Variants in UGGT2 observed in about 807,000 individuals in gnomAD.
UGGT2 encodes the protein UDP-glucose:glycoprotein glucosyltransferase 2.
UGGT2 carries 180 observed loss-of-function variants against 192.1 expected under a neutral mutation model. The ratio of observed to expected loss-of-function variants is 0.94; its 90% CI spans 0.83 to 1.06. The LOEUF is 1.06. Ranked by LOEUF, UGGT2 falls within the 50% of genes least tolerant of loss-of-function variation. The pLI is 0.00. For synonymous variants in UGGT2, 580 were observed against 591.0 expected (o/e 0.98, Z 0.27); for missense variants, 1,849 against 1,795.7 (o/e 1.03, Z -0.54).
chr13:95,896,975 G>A (rs2047964896), intron 22 of UGGT2, among the ~76,000 whole-genome samples: 1 of 152,064 alleles, frequency 6.6e-6, no homozygotes, highest in Non-Finnish European at 1.5e-5. Flanking sequence ...AGCTAAAAAT[G>A]TCTCTCTACT....
intron 4 of UGGT2, among the ~76,000 whole-genome samples, chr13:96,021,862 T>C (rs185361317): frequency 6.6e-6 from 1 of 152,288 alleles, no homozygotes; most frequent in East Asian, 1.9e-4. Flanking sequence ...AGAGATTCAA[T>C]ACAACACAGA....
chr13:96,018,582 A>G (rs2052410909), intron 4 of UGGT2, among the ~76,000 whole-genome samples: 1 of 152,180 alleles, frequency 6.6e-6, no homozygotes, highest in Non-Finnish European at 1.5e-5. Context: ...GACAGCAATC[A>G]TTACCATCCT....
chr13:95,965,499 C>A (rs1251178339), intron 12 of UGGT2, among the ~76,000 whole-genome samples: 5 of 149,476 alleles, frequency 3.3e-5, no homozygotes, highest in African/African-American at 7.4e-5. Context: ...GGACAAAAAA[C>A]CAAACACCGC....
intron 1 of UGGT2, among the ~76,000 whole-genome samples, chr13:96,049,816 A>G (rs980168382): frequency 1.3e-5 from 2 of 152,184 alleles, no homozygotes; most frequent in Non-Finnish European, 2.9e-5. Context: ...ACCACTGCTC[A>G]AAAAAATAAA....
chr13:95,836,212 C>G (rs1464465263), intron 37 of UGGT2, among the ~76,000 whole-genome samples: 2 of 152,270 alleles, frequency 1.3e-5, no homozygotes, highest in East Asian at 3.9e-4. Flanking sequence ...CCACGCCCAG[C>G]TAATTTTTTG....
At chr13:95,981,563 G>A (rs2051126258) in intron 10 of UGGT2, among the ~76,000 whole-genome samples, 2 of 151,998 alleles carry the variant, frequency 1.3e-5, no homozygotes, top group Admixed American at 1.3e-4. Context: ...CTTAAAAAGT[G>A]TAATTTACAC....
intron 1 of UGGT2, among the ~76,000 whole-genome samples, chr13:96,044,666 A>C (rs1172244278): frequency 6.6e-6 from 1 of 152,336 alleles, no homozygotes; most frequent in Non-Finnish European, 1.5e-5. Flanking sequence ...AATGGGAGCT[A>C]TTACAACTGA....
At chr13:95,876,876 T>G (rs898366491) in intron 29 of UGGT2, 4 of 132,504 alleles carry the variant, frequency 3.0e-5, no homozygotes, top group African/African-American at 1.1e-4. Context: ...TCAGTCATCT[T>G]TTTTTTTTTT....
chr13:95,878,944 G>A (rs1218309591), intron 27 of UGGT2, among the ~76,000 whole-genome samples: 2 of 152,128 alleles, frequency 1.3e-5, no homozygotes, highest in Non-Finnish European at 2.9e-5. Context: ...TGAATTAGTT[G>A]TTGAATTACT....
intron 10 of UGGT2, 104 bp downstream of exon 10, chr13:95,983,700 A>G: frequency 3.3e-6 from 3 of 900,850 alleles, no homozygotes; most frequent in Middle Eastern, 2.3e-4. Context: ...ATAATCAAAA[A>G]AGCACAAATT....
intron 15 of UGGT2, 124 bp downstream of exon 15, chr13:95,946,913 A>T: frequency 9.7e-7 from 1 of 1,035,380 alleles, no homozygotes. Context: ...TCTCCATGAC[A>T]GTTTATAAAC....
chr13:95,932,937 T>C (rs756736771), intron 17 of UGGT2, among the ~76,000 whole-genome samples: 13 of 152,242 alleles, frequency 8.5e-5, no homozygotes, highest in South Asian at 2.1e-4. Context: ...TGAAGCCTAT[T>C]TGATTACGGT....
At chr13:95,890,171 CATTATTT>C (rs2047759745) in intron 25 of UGGT2, among the ~76,000 whole-genome samples, 1 of 152,142 alleles carries the variant, frequency 6.6e-6, no homozygotes, top group African/African-American at 2.4e-5. Flanking sequence ...GTTTGGCTAA[CATTATTT>C]ATTATTTATT....
intron 4 of UGGT2, among the ~76,000 whole-genome samples, chr13:96,018,670 G>A (rs1246381009): frequency 2.7e-5 from 4 of 150,428 alleles, no homozygotes; most frequent in East Asian, 2.0e-4. Flanking sequence ...AGAATTTTAC[G>A]AAATTGGGAC....
chr13:95,804,167 G>C (rs1047179461), intron 38 of UGGT2, among the ~76,000 whole-genome samples: 1 of 151,946 alleles, frequency 6.6e-6, no homozygotes. Context: ...GAAAATATAA[G>C]TACAAAAGAT....
At chr13:95,947,943 AT>A in intron 14 of UGGT2, 52 bp downstream of exon 14, 1 of 1,450,270 alleles carries the variant, frequency 6.9e-7, no homozygotes, top group Non-Finnish European at 9.6e-7. Flanking sequence ...CACAATATGA[AT>A]AACATTGAAT....
In UGGT2 at chr13:95,981,216, GC is replaced by G; in HGVS notation, c.1092+2587del. ...GCGGTGGCTCACGCCTGTAATCCCA[GC>G]ACTTTGGGAGGCAGAGGCGGGCGGA... is the stretch of plus-strand genomic sequence containing the variant. On this transcript the variant is annotated intron_variant, in intron 10 of 38. Transcript: ENST00000376747. Among the ~76,000 whole-genome samples, 2 of 444 alleles carry G rather than the reference GC, an allele frequency of 4.5e-3. 1 individual carries two copies. The highest frequency in any genetic ancestry group is 1 in the Middle Eastern group (2 of 2). 0.3% of individuals were successfully genotyped at this position (444 alleles called of 152,430 possible). A position where few individuals can be genotyped will look rare whatever the true frequency, so the allele number is the denominator to read the frequency against.
At position 96,041,357 on chromosome 13, in the gene UGGT2, C is replaced by T. The variant is rs540290114; in HGVS notation, c.159-9386G>A. Among the ~76,000 whole-genome samples, 6 of 152,196 alleles carry T rather than the reference C, an allele frequency of 3.9e-5. No homozygotes were observed. The South Asian group carries it at 1.0e-3, about 26-fold the overall frequency. On this transcript the variant is annotated intron_variant, in intron 1 of 38. Coordinates refer to ENST00000376747, the MANE Select transcript of UGGT2 (RefSeq NM_020121.4). Reference sequence around the variant, plus strand: ...GAAAAGCCCTGTGGGCTCTCTGGGTCCCCTAGGAAGCTATTTCTGCCTTGC... The same window carrying T: ...GAAAAGCCCTGTGGGCTCTCTGGGTTCCCTAGGAAGCTATTTCTGCCTTGC...
intron 10 of UGGT2, among the ~76,000 whole-genome samples, chr13:95,982,154 T>C (rs1288680941): frequency 6.6e-6 from 1 of 152,208 alleles, no homozygotes; most frequent in Non-Finnish European, 1.5e-5. Context: ...CATACTCAGG[T>C]TGCCAGCATG....
Sources: allele counts gnomAD v4.1 joint callset (sites outside exome capture counted in the v4.1 genomes callset), GRCh38; gene constraint gnomAD v4.1.1; transcripts MANE v1.5; gene names NCBI Gene and HGNC (gene_info 2026-07-23, HGNC 2026-07-21).